The following VSIR variants were observed in gnomAD, a reference collection of about 807,000 sequenced individuals.
VSIR encodes the protein V-set immunoregulatory receptor, also known as V-type immunoglobulin domain-containing suppressor of T-cell activation.
Under a neutral mutation model 31.0 loss-of-function variants are expected in VSIR, and 10 were observed. That is an observed-to-expected ratio of 0.32 (90% CI 0.20 to 0.55). The LOEUF (loss-of-function observed/expected upper bound fraction) is 0.55, where lower values mean the gene tolerates loss of function less well. Among genes scored for constraint, VSIR ranks in the 20% least tolerant of loss-of-function variants. VSIR has a pLI of 0.93. For missense variants in VSIR, 356 were observed against 416.2 expected, an observed-to-expected ratio of 0.86 and a Z score of 1.26; for synonymous variants, 179 against 180.1, an observed-to-expected ratio of 0.99 and a Z score of 0.05.
At chr10:71,761,401 C>G (rs918109854) in intron 2 of VSIR, among the ~76,000 whole-genome samples, 197 bp downstream of exon 2, 1 of 152,178 alleles carries the variant, frequency 6.6e-6, no homozygotes, top group African/African-American at 2.4e-5. Context: ...GTACACCCTC[C>G]CTCTCCATCA....
At chr10:71,772,280 C>G (rs1021330101) in intron 1 of VSIR, among the ~76,000 whole-genome samples, 1 of 152,170 alleles carries the variant, frequency 6.6e-6, no homozygotes, top group Non-Finnish European at 1.5e-5. Context: ...CCTCCTCTCC[C>G]TCTTATCCTA....
intron 3 of VSIR, among the ~76,000 whole-genome samples, chr10:71,759,900 T>C (rs140948640): frequency 0.12 from 5,094 of 43,744 alleles, 504 homozygotes; most frequent in South Asian, 0.21. Flanking sequence ...CACACACACA[T>C]ATATACACAC....
intron 1 of VSIR, among the ~76,000 whole-genome samples, chr10:71,770,440 G>A (rs1296641552): frequency 2.0e-5 from 2 of 101,896 alleles, no homozygotes; most frequent in Non-Finnish European, 2.5e-5. Context: ...GGGGCTGTAC[G>A]GAAGCCCTGG....
At chr10:71,764,266 G>A (rs928728540) in intron 1 of VSIR, among the ~76,000 whole-genome samples, 22 of 152,284 alleles carry the variant, frequency 1.4e-4, no homozygotes, top group African/African-American at 5.1e-4. Flanking sequence ...ATCTAACAAT[G>A]CCATAAGGTA....
chr10:71,772,923 C>T (rs1488296846), intron 1 of VSIR, among the ~76,000 whole-genome samples: 1 of 152,212 alleles, frequency 6.6e-6, no homozygotes, highest in African/African-American at 2.4e-5. Context: ...CATACCACGC[C>T]CTCTGTGTCC....
In VSIR at chr10:71,760,086, C is replaced by T. The variant is rs1393377957; in HGVS notation, c.568+782G>A. Among the ~76,000 whole-genome samples, 11 of 137,662 alleles carry T rather than the reference C, an allele frequency of 8.0e-5. No homozygotes were observed. In the East Asian group the frequency reaches 2.3e-3, roughly 29 times the overall value. 90.3% of individuals were successfully genotyped at this position (137,662 alleles called of 152,430 possible). ...ATACACACACACATATATATACACACACATATACACACACACATACATACA... is the reference window on the plus strand; with the variant it reads ...ATACACACACACATATATATACACATACATATACACACACACATACATACA... On this transcript the variant is annotated intron_variant, in intron 3 of 6. Transcript: ENST00000394957.
rs563900011 is a variant in VSIR, at chr10:71,765,907, G to A, written c.83-3881C>T. On this transcript the variant is annotated intron_variant, in intron 1 of 6. Coordinates refer to ENST00000394957, the MANE Select transcript of VSIR (RefSeq NM_022153.2). ...ACAGGACAAACCAAGGGTCCACAGG[G>A]GTTTGTCCTGGGGAGGGAGGGAAGG... is the stretch of plus-strand genomic sequence containing the variant. 1.2e-3 allele frequency among the ~76,000 whole-genome samples: 182 copies of A among 152,234 alleles called. 2 individuals are homozygous for A. The highest frequency in any genetic ancestry group is 4.1e-3 in the African/African-American group (170 of 41,530).
intron 1 of VSIR, among the ~76,000 whole-genome samples, chr10:71,762,656 G>T (rs572492384): frequency 1.4e-5 from 2 of 147,510 alleles, no homozygotes; most frequent in Admixed American, 1.4e-4. Flanking sequence ...ACAGCCTTCT[G>T]GGGACAGTCA....
rs971572898 is a variant in VSIR, at chr10:71,749,520, G to A, written c.*1733C>T. On this transcript the variant is annotated 3_prime_UTR_variant, in exon 7 of 7. Coordinates refer to ENST00000394957, the MANE Select transcript of VSIR (RefSeq NM_022153.2). ...GGCATCAAGCATTGTGGTGACCAGA[G>A]GGAACAAAAGAAGGGACCCCCCTCT... The A allele has an allele frequency of 3.9e-5, 6 of 152,240 alleles. No individual in the cohort carries two copies. The highest frequency in any genetic ancestry group is 7.3e-5 in the Non-Finnish European group (5 of 68,074). 9.4% of individuals were successfully genotyped at this position (152,240 alleles called of 1,614,324 possible).
Position 71,751,725 on chromosome 10 carries a change from C to G in VSIR, c.841G>C (p.Glu281Gln), listed in dbSNP as rs753412246. Residue 281 changes from glutamate (E) to glutamine (Q), a missense_variant, in exon 6 of 7, where the codon GAG becomes CAG. This residue lies in a region of VSIR where 190 missense variants were observed against 185.2 expected (regional missense o/e 1.03). Coordinates refer to ENST00000394957, the MANE Select transcript of VSIR (RefSeq NM_022153.2). This position sits in a 1 kb window ranked among gnomAD's most constrained non-coding sequence, Gnocchi z 4.9. ...GGAGGAGACAGGGGGGTGCTGGGCT[C>G]CGAAAGCAGATGCCGCCCAGACTCA... ...PSESGRHLLS[E>Q]PSTPLSPPGP... is the part of the protein sequence containing the mutation. 2.5e-6 allele frequency: 4 copies of G among 1,584,208 alleles called. No homozygotes were observed. In the East Asian group the frequency reaches 9.0e-5, roughly 36 times the overall value.
chr10:71,770,652 G>A (rs886156276), intron 1 of VSIR, among the ~76,000 whole-genome samples: 1 of 152,166 alleles, frequency 6.6e-6, no homozygotes, highest in Non-Finnish European at 1.5e-5. Flanking sequence ...GGTTCTCCTT[G>A]AGGATCCCTT....
In VSIR at chr10:71,761,836, G is replaced by T. The variant is rs1242057967; in HGVS notation, c.273C>A (p.Asn91Lys). The T allele has an allele frequency of 1.2e-6, 2 of 1,614,114 alleles. No individual in the cohort carries two copies. Among genetic ancestry groups the T allele is most frequent in the East Asian group, 2.2e-5 (1 of 44,878 alleles). Reference protein sequence around the residue: ...QTCSERRPIRNLTFQDLHLHH... With the variant: ...QTCSERRPIRKLTFQDLHLHH... Reference sequence around the variant, plus strand: ...GCAGGTGAAGGTCCTGGAACGTGAGGTTGCGGATGGGCCGGCGCTCTGAGC... The same window carrying T: ...GCAGGTGAAGGTCCTGGAACGTGAGTTTGCGGATGGGCCGGCGCTCTGAGC... The change falls in exon 2 of 7, where the codon AAC becomes AAA. Residue 91 changes from asparagine to lysine, a missense_variant. Asn to Lys is a moderately conservative substitution (Grantham distance 94, BLOSUM62 0). Transcript: ENST00000394957.
chr10:71,764,152 A>G (rs1840470003), intron 1 of VSIR, among the ~76,000 whole-genome samples: 1 of 152,164 alleles, frequency 6.6e-6, no homozygotes, highest in African/African-American at 2.4e-5. Context: ...GTATGATCTC[A>G]AAGCCTGGAG....
At chr10:71,755,931 C>T (rs1840131482) in intron 3 of VSIR, among the ~76,000 whole-genome samples, 1 of 152,192 alleles carries the variant, frequency 6.6e-6, no homozygotes, top group Non-Finnish European at 1.5e-5. Context: ...TGCCACCAAA[C>T]TGTAGGCTTA....
chr10:71,762,052 C>A, intron 1 of VSIR, 26 bp from the exon 2 acceptor site: 1 of 1,567,312 alleles, frequency 6.4e-7, no homozygotes, highest in South Asian at 1.2e-5. Flanking sequence ...AGAGCCCTGT[C>A]ACCTGACTGA....
At position 71,751,877 on chromosome 10, in the gene VSIR, A is replaced by C; in HGVS notation, c.705-16T>G. ...TTGAATGTTGCTGCCACAGAACCAG[A>C]ATGGAAGGTCATCTGTGCTGTCCGG... On this transcript the variant is annotated splice_polypyrimidine_tract_variant and intron_variant, in intron 5 of 6. Coordinates refer to ENST00000394957, the MANE Select transcript of VSIR (RefSeq NM_022153.2). This position sits in a 1 kb window ranked among gnomAD's most constrained non-coding sequence, Gnocchi z 4.9. The C allele has an allele frequency of 1.3e-6, 2 of 1,538,888 alleles. No individual in the cohort carries two copies. Among genetic ancestry groups the C allele is most frequent in the Non-Finnish European group, 1.8e-6 (2 of 1,140,518 alleles).
chr10:71,760,542 G>A (rs1362396089), intron 3 of VSIR: 2 of 244,236 alleles, frequency 8.2e-6, no homozygotes, highest in Non-Finnish European at 1.6e-5. Flanking sequence ...AGCCATAGGG[G>A]GCTGGTGGGC....
In VSIR at chr10:71,749,184, G is replaced by C. The variant is rs577240197; in HGVS notation, c.*2069C>G. On this transcript the variant is annotated 3_prime_UTR_variant, in exon 7 of 7. Coordinates refer to ENST00000394957, the MANE Select transcript of VSIR (RefSeq NM_022153.2). ...GCAGGGCATGCTCTTCCTGAGTTGG[G>C]AGAACCGGAATCTGGGCTGTGGGCT... The C allele has an allele frequency of 6.6e-6, 1 of 152,324 alleles. No homozygotes were observed. The highest frequency in any genetic ancestry group is 1.5e-5 in the Non-Finnish European group (1 of 68,096). The allele number at this position is 152,324 out of a possible 1,614,324, so 9.4% of individuals were successfully genotyped here.
At chr10:71,755,196 G>A (rs773265210) in intron 4 of VSIR, 163 bp downstream of exon 4, 41 of 745,680 alleles carry the variant, frequency 5.5e-5, no homozygotes, top group Non-Finnish European at 7.5e-5. Flanking sequence ...CCTTTCTCTC[G>A]GCCATTTCGC....
Sources: allele counts gnomAD v4.1 joint callset (sites outside exome capture counted in the v4.1 genomes callset), GRCh38; gene constraint gnomAD v4.1.1; regional missense constraint gnomAD v4.1.1; non-coding constraint Gnocchi (gnomAD v3.1); transcripts MANE v1.5; gene names NCBI Gene and HGNC (gene_info 2026-07-23, HGNC 2026-07-21).